The following CRYBG1 variants were observed in gnomAD, a reference collection of about 807,000 sequenced individuals.
The protein encoded by CRYBG1 is beta/gamma crystallin domain-containing protein 1.
CRYBG1 carries 139 observed loss-of-function variants against 189.2 expected under a neutral mutation model. The ratio of observed to expected loss-of-function variants is 0.73; its 90% CI spans 0.64 to 0.85. The LOEUF (loss-of-function observed/expected upper bound fraction) is 0.85. Among genes scored for constraint, CRYBG1 ranks in the 40% least tolerant of loss-of-function variants. CRYBG1 has a pLI of 0.00. For synonymous variants in CRYBG1, 1,023 were observed against 1,017.1 expected, an observed-to-expected ratio of 1.01 and a Z score of -0.11; for missense variants, 2,611 against 2,675.8, an observed-to-expected ratio of 0.98 and a Z score of 0.53.
At chr6:106,468,235 A>G (rs1046652803) in intron 2 of CRYBG1, among the ~76,000 whole-genome samples, 15 of 152,204 alleles carry the variant, frequency 9.9e-5, no homozygotes, top group South Asian at 2.1e-4. Flanking sequence ...AAGATAAGCA[A>G]TAGGAACTGG....
At chr6:106,560,952 C>CA in intron 19 of CRYBG1, 26 bp downstream of exon 19, 1 of 1,541,266 alleles carries the variant, frequency 6.5e-7, no homozygotes, top group Non-Finnish European at 8.7e-7. Flanking sequence ...CCATGCTCTG[C>CA]ATAGACTCTT....
chr6:106,567,682 GA>G (rs34224051), intron 21 of CRYBG1, among the ~76,000 whole-genome samples: 2,711 of 147,100 alleles, frequency 0.018, 39 homozygotes, highest in African/African-American at 0.029. Flanking sequence ...TTCTACACTG[GA>G]AAAAAAAAAA....
At chr6:106,418,448 G>A (rs376606744) in intron 1 of CRYBG1, among the ~76,000 whole-genome samples, 3 of 152,174 alleles carry the variant, frequency 2.0e-5, no homozygotes, top group African/African-American at 7.2e-5. Flanking sequence ...ACCCCTATCT[G>A]CCTAGGCATT....
intron 2 of CRYBG1, among the ~76,000 whole-genome samples, chr6:106,464,846 A>C (rs1446864835): frequency 6.6e-6 from 1 of 152,250 alleles, no homozygotes; most frequent in African/African-American, 2.4e-5. Context: ...TATATATGTT[A>C]ATTCAAAATA....
chr6:106,432,301 G>A (rs560184776), intron 1 of CRYBG1, among the ~76,000 whole-genome samples: 37 of 152,308 alleles, frequency 2.4e-4, no homozygotes, highest in Non-Finnish European at 4.6e-4. Flanking sequence ...TCCATCAAGA[G>A]AAATTATACA....
chr6:106,499,672 G>A (rs1772958493), intron 2 of CRYBG1, among the ~76,000 whole-genome samples: 3 of 151,806 alleles, frequency 2.0e-5, no homozygotes, highest in African/African-American at 2.4e-5. Context: ...CTTATTTTTT[G>A]TAATGAGAAC....
chr6:106,483,542 A>G (rs1253356660), intron 2 of CRYBG1, among the ~76,000 whole-genome samples: 1 of 151,900 alleles, frequency 6.6e-6, no homozygotes, highest in Non-Finnish European at 1.5e-5. Flanking sequence ...CAGCAATGGG[A>G]TTGCTGGATC....
chr6:106,489,390 G>A (rs990811554), intron 2 of CRYBG1, among the ~76,000 whole-genome samples: 1 of 151,996 alleles, frequency 6.6e-6, no homozygotes, highest in Non-Finnish European at 1.5e-5. Flanking sequence ...TTGATAAAAT[G>A]TTGATTTGAT....
In CRYBG1 at chr6:106,519,338, GT is replaced by G. The variant is rs1187879869; in HGVS notation, c.2133del (p.Phe711LeufsTer7). 6.2e-7 allele frequency: 1 copy of G among 1,614,090 alleles called. No individual in the cohort carries two copies. Among genetic ancestry groups the G allele is most frequent in the East Asian group, 2.2e-5 (1 of 44,888 alleles). Reference protein sequence around the residue: ...QRNTPASSKTFVGRAKLNLAK... With the variant: ...QRNTPASSKTXVGRAKLNLAK... ...GGAATACTCCTGCCTCTAGTAAAAC[GT>G]TTGTTGGGAGGGCAAAGCTGAATTT... On this transcript the variant is annotated frameshift_variant, in exon 4 of 22. Coordinates refer to ENST00000633556, the MANE Select transcript of CRYBG1 (RefSeq NM_001371242.2). LOFTEE classifies it high-confidence loss of function.
chr6:106,436,333 C>G (rs1278118569), intron 1 of CRYBG1, among the ~76,000 whole-genome samples: 1 of 145,806 alleles, frequency 6.9e-6, no homozygotes, highest in African/African-American at 2.5e-5. Context: ...GAGTCTCGCT[C>G]TGTTGCCTAG....
chr6:106,512,950 C>A lies in CRYBG1; in HGVS notation c.1833C>A (p.Ala611=). The A allele has an allele frequency of 6.2e-7, 1 of 1,610,804 alleles. No homozygotes were observed. The highest frequency in any genetic ancestry group is 1.1e-5 in the South Asian group (1 of 90,646). ...GAAGCAGAGAGCTGGGCAGAGCGGC[C>A]GGAGCGCCTGGAGCTTCTGACGCCG... ...GGRSRELGRA[A]GAPGASDADG... Residue 611 remains alanine (A), a synonymous_variant, in exon 3 of 22, where the codon GCC becomes GCA. Coordinates refer to ENST00000633556, the MANE Select transcript of CRYBG1 (RefSeq NM_001371242.2).
chr6:106,488,259 T>G (rs1481008081), intron 2 of CRYBG1, among the ~76,000 whole-genome samples: 1 of 152,142 alleles, frequency 6.6e-6, no homozygotes, highest in Non-Finnish European at 1.5e-5. Flanking sequence ...GTGCTATCTG[T>G]CAGGTCTGGG....
At chr6:106,542,237 A>AT (rs61115774) in intron 10 of CRYBG1, among the ~76,000 whole-genome samples, 120 of 140,114 alleles carry the variant, frequency 8.6e-4, no homozygotes, top group Admixed American at 3.3e-3. Flanking sequence ...AAAAAGCCAG[A>AT]TTTTTTTTTT....
At chr6:106,428,050 C>CT (rs1771260355) in intron 1 of CRYBG1, among the ~76,000 whole-genome samples, 1 of 152,242 alleles carries the variant, frequency 6.6e-6, no homozygotes, top group African/African-American at 2.4e-5. Flanking sequence ...GCTCTTAAGA[C>CT]AGTACCTTCC....
intron 1 of CRYBG1, among the ~76,000 whole-genome samples, chr6:106,385,695 C>T (rs1469918479): frequency 6.6e-6 from 1 of 152,160 alleles, no homozygotes; most frequent in Non-Finnish European, 1.5e-5. Flanking sequence ...CACGGTGACT[C>T]ATTAATCCTC....
chr6:106,545,943 G>A (rs575839167), intron 13 of CRYBG1, among the ~76,000 whole-genome samples: 1 of 152,292 alleles, frequency 6.6e-6, no homozygotes, highest in South Asian at 2.1e-4. Flanking sequence ...GCCTCCCAAA[G>A]TGCTGGGATT....
intron 18 of CRYBG1, among the ~76,000 whole-genome samples, chr6:106,560,447 T>C (rs966250505): frequency 6.6e-6 from 1 of 152,202 alleles, no homozygotes; most frequent in Non-Finnish European, 1.5e-5. Flanking sequence ...CTAAGAGCTT[T>C]GGAAATATTA....
At chr6:106,433,084 C>A (rs1771365970) in intron 1 of CRYBG1, among the ~76,000 whole-genome samples, 1 of 152,010 alleles carries the variant, frequency 6.6e-6, no homozygotes, top group African/African-American at 2.4e-5. Flanking sequence ...CATGATCCAC[C>A]CTCCTCGGCC....
At chr6:106,481,134 C>T (rs1322941577) in intron 2 of CRYBG1, among the ~76,000 whole-genome samples, 2 of 105,048 alleles carry the variant, frequency 1.9e-5, no homozygotes, top group African/African-American at 8.1e-5. Flanking sequence ...CCACCACGCC[C>T]GGCTAATTTT....
Sources: gnomAD v4.1 joint callset for allele counts (sites outside exome capture counted in the v4.1 genomes callset) on GRCh38, gnomAD v4.1.1 for gene constraint, MANE v1.5 for transcripts, NCBI Gene and HGNC (gene_info 2026-07-23, HGNC 2026-07-21) for gene names.